Variants in ERICH3 observed in about 807,000 individuals in gnomAD.
ERICH3 encodes the protein glutamate rich 3.
In ERICH3, 126 loss-of-function variants were observed where a neutral mutation model predicts 131.1. The observed-to-expected ratio is 0.96, with a 90% confidence interval of 0.83 to 1.11. The LOEUF is 1.11. ERICH3 is among the 50% of genes most tolerant of loss of function. The probability of loss-of-function intolerance (pLI) is 0.00; values close to 1 mark genes in which losing one functional copy is unlikely to be tolerated. For missense variants in ERICH3, 2,050 were observed against 1,810.7 expected, an observed-to-expected ratio of 1.13 and a Z score of -2.40; for synonymous variants, 695 against 644.6, an observed-to-expected ratio of 1.08 and a Z score of -1.18.
At chr1:74,590,702 C>G (rs1647551521) in intron 11 of ERICH3, among the ~76,000 whole-genome samples, 1 of 152,180 alleles carries the variant, frequency 6.6e-6, no homozygotes, top group South Asian at 2.1e-4. Context: ...TGCTGTGCAG[C>G]CTGGTTCCTA....
At chr1:74,589,364 G>A in intron 12 of ERICH3, 1 of 540,992 alleles carries the variant, frequency 1.8e-6, no homozygotes. Flanking sequence ...TTTCATTCCT[G>A]AGATGGAATT....
chr1:74,579,661 A>G (rs1235003446), intron 12 of ERICH3: 11 of 985,326 alleles, frequency 1.1e-5, no homozygotes, highest in African/African-American at 1.7e-5. Flanking sequence ...CTTAAAAGCA[A>G]GAACTTGGCT....
At position 74,571,805 on chromosome 1, in the gene ERICH3, C is replaced by T; in HGVS notation, c.3905G>A (p.Cys1302Tyr). The T allele has an allele frequency of 6.2e-7, 1 of 1,613,660 alleles. No homozygotes were observed. Among genetic ancestry groups the T allele is most frequent in the African/African-American group, 1.3e-5 (1 of 75,032 alleles). The change falls in exon 14 of 15, where the codon TGC (cysteine) becomes TAC (tyrosine). Residue 1302 changes from cysteine to tyrosine, a missense_variant. Transcript: ENST00000326665. ...EDPEEEEDKE[C>Y]TLETEAMQDR... ...CTGCATCGCTTCTGTCTCCAGAGTG[C>T]ACTCTTTGTCCTCTTCCTCCTCTGG...
At chr1:74,649,188 C>G in intron 2 of ERICH3, 34 bp downstream of exon 2, 1 of 1,455,366 alleles carries the variant, frequency 6.9e-7, no homozygotes, top group Non-Finnish European at 9.5e-7. Flanking sequence ...CTTAATGAAA[C>G]AAGAAGGTCA....
At chr1:74,650,730 T>C (rs888154159) in intron 1 of ERICH3, among the ~76,000 whole-genome samples, 3 of 152,154 alleles carry the variant, frequency 2.0e-5, no homozygotes, top group Non-Finnish European at 4.4e-5. Flanking sequence ...TTAAAACTTA[T>C]ACGTTGTTTA....
At chr1:74,632,554 A>G (rs1646350185) in intron 6 of ERICH3, among the ~76,000 whole-genome samples, 1 of 146,110 alleles carries the variant, frequency 6.8e-6, no homozygotes, top group Non-Finnish European at 1.5e-5. Context: ...AAGGATACAT[A>G]TACACACATG....
chr1:74,644,746 C>T (rs190390891), intron 3 of ERICH3, among the ~76,000 whole-genome samples: 1 of 152,222 alleles, frequency 6.6e-6, no homozygotes, highest in Admixed American at 6.6e-5. Flanking sequence ...TAATTGACCT[C>T]CCACCTCCAA....
intron 12 of ERICH3, among the ~76,000 whole-genome samples, chr1:74,584,255 A>C (rs919012873): frequency 2.0e-5 from 3 of 152,338 alleles, no homozygotes; most frequent in Non-Finnish European, 4.4e-5. Context: ...AGAGAATGCT[A>C]AAGTTTAGCC....
chr1:74,634,640 G>T, intron 6 of ERICH3: 5 of 714,272 alleles, frequency 7.0e-6, no homozygotes, highest in Middle Eastern at 2.3e-4. Flanking sequence ...TAATAATTAT[G>T]GAACTTAAAA....
intron 7 of ERICH3, among the ~76,000 whole-genome samples, chr1:74,629,984 A>G (rs1649538488): frequency 3.9e-5 from 6 of 152,096 alleles, no homozygotes; most frequent in Admixed American, 2.6e-4. Flanking sequence ...GTGAAGGTGT[A>G]GTGAGTGCAT....
chr1:74,637,746 C>T (rs1646402336), intron 5 of ERICH3, among the ~76,000 whole-genome samples: 2 of 151,914 alleles, frequency 1.3e-5, no homozygotes, highest in Admixed American at 6.6e-5. Flanking sequence ...ATGGTGAAAC[C>T]TTGTCTCTAC....
rs780934042 is a variant in ERICH3 at position 74,572,067 on chromosome 1, C to A, written c.3643G>T (p.Ala1215Ser). ...GGCTCAGCTTCAGGAGCTGCTAAGG[C>A]CCCCTCTCCATCTTGGCGGTGCCCT... ...KEGHRQDGEGALAAPEAEPAG... is the reference protein window; with the variant it reads ...KEGHRQDGEGSLAAPEAEPAG... The change falls in exon 14 of 15, where the codon GCC becomes TCC. Residue 1215 changes from alanine to serine, a missense_variant. Physicochemically the swap from Ala to Ser is moderately conservative, Grantham distance 99 (BLOSUM62 1). Coordinates refer to ENST00000326665, the MANE Select transcript of ERICH3 (RefSeq NM_001002912.5). The A allele has an allele frequency of 4.3e-6, 7 of 1,614,192 alleles. No individual in the cohort carries two copies. In the South Asian group the frequency reaches 5.5e-5, roughly 13 times the overall value.
intron 1 of ERICH3, among the ~76,000 whole-genome samples, chr1:74,651,275 T>G (rs1646531567): frequency 6.6e-6 from 1 of 152,082 alleles, no homozygotes; most frequent in South Asian, 2.1e-4. Context: ...AAGAAAAGTT[T>G]AATTTCATCC....
chr1:74,571,403 G>A lies in ERICH3; in HGVS notation c.4307C>T (p.Ala1436Val), dbSNP rs1195459753. ...TAGCCCTGAGGTCTTCCGCTCCAGG[G>A]CTCCTGGAGTGCCCACCCCAGCCTC... is the stretch of plus-strand genomic sequence containing the variant. Reference protein sequence around the residue: ...TTEAGVGTPGALERKTSGLGQ... With the variant: ...TTEAGVGTPGVLERKTSGLGQ... Residue 1436 changes from alanine (A) to valine (V), a missense_variant, in exon 14 of 15, where the codon GCC (alanine) becomes GTC (valine). Ala to Val is a moderately conservative substitution (Grantham distance 64, BLOSUM62 0). Coordinates refer to ENST00000326665, the MANE Select transcript of ERICH3 (RefSeq NM_001002912.5). 1.2e-6 allele frequency: 2 copies of A among 1,613,690 alleles called. No individual in the cohort carries two copies. The highest frequency in any genetic ancestry group is 1.3e-5 in the African/African-American group (1 of 74,834).
At chr1:74,580,304 A>C (rs1215105661) in intron 12 of ERICH3, among the ~76,000 whole-genome samples, 2 of 151,878 alleles carry the variant, frequency 1.3e-5, no homozygotes, top group Non-Finnish European at 1.5e-5. Flanking sequence ...ATAAAACATT[A>C]TAATAAAGTC....
At chr1:74,643,941 G>A (rs887932128) in intron 3 of ERICH3, among the ~76,000 whole-genome samples, 5 of 152,124 alleles carry the variant, frequency 3.3e-5, no homozygotes, top group Non-Finnish European at 5.9e-5. Context: ...GTTAACAGCC[G>A]TTGTCTCTGA....
At chr1:74,582,352 T>C (rs1037002250) in intron 12 of ERICH3, among the ~76,000 whole-genome samples, 2 of 152,178 alleles carry the variant, frequency 1.3e-5, no homozygotes, top group African/African-American at 4.8e-5. Flanking sequence ...GCAAATTCCT[T>C]GGATTTTGTG....
chr1:74,600,594 C>T (rs1407694267), intron 10 of ERICH3, among the ~76,000 whole-genome samples: 1 of 151,804 alleles, frequency 6.6e-6, no homozygotes, highest in East Asian at 1.9e-4. Flanking sequence ...CCTGTCACAG[C>T]CACATATTTG....
At chr1:74,654,377 TATATGTATATCCTACAGTAGG>T (rs1477746258) in intron 1 of ERICH3, among the ~76,000 whole-genome samples, 72 of 151,698 alleles carry the variant, frequency 4.7e-4, no homozygotes, top group African/African-American at 1.1e-3. Flanking sequence ...TATGTATGTA[TATATGTATATCCTACAGTAGG>T]ATATGTATAT....
Sources: allele counts gnomAD v4.1 joint callset (sites outside exome capture counted in the v4.1 genomes callset), GRCh38; gene constraint gnomAD v4.1.1; transcripts MANE v1.5; gene names NCBI Gene and HGNC (gene_info 2026-07-23, HGNC 2026-07-21).